The following AOC1 variants were observed in gnomAD, a reference collection of about 807,000 sequenced individuals.
AOC1 encodes amine oxidase copper containing 1.
In AOC1, 58 loss-of-function variants were observed where a neutral mutation model predicts 57.1. The ratio of observed to expected loss-of-function variants is 1.02; its 90% CI spans 0.82 to 1.26. The LOEUF is 1.26. Ranked by LOEUF, AOC1 falls within the 50% of genes most tolerant of loss-of-function variation. The pLI is 0.00. For synonymous variants in AOC1, 401 were observed against 423.4 expected, an observed-to-expected ratio of 0.95 and a Z score of 0.65; for missense variants, 917 against 1,005.3, an observed-to-expected ratio of 0.91 and a Z score of 1.19.
chr7:150,860,781 G>A (rs756009300), intron 4 of AOC1, 148 bp downstream of exon 4: 24 of 1,356,914 alleles, frequency 1.8e-5, no homozygotes, highest in East Asian at 4.6e-5. Flanking sequence ...CTGTGTGGAC[G>A]GCAAGTTCAG....
At position 150,856,482 on chromosome 7, in the gene AOC1, GGGCTGGGCCGT is replaced by G. The variant is rs2116828458; in HGVS notation, c.18_28del (p.Trp6CysfsTer79). The G allele has an allele frequency of 6.2e-7, 1 of 1,613,346 alleles. No individual in the cohort carries two copies. The highest frequency in any genetic ancestry group is 2.2e-5 in the East Asian group (1 of 44,854). ...CCGTGGAGCGAGAGATGCCGGCCCT[GGGCTGGGCCGT>G]GGCTGCCATCCTGATGCTGCAGACG... On this transcript the variant is annotated frameshift_variant, in exon 2 of 5. Coordinates refer to ENST00000360937, the MANE Select transcript of AOC1 (RefSeq NM_001091.4). LOFTEE classifies it high-confidence loss of function. The surrounding 1 kb of genome is among the most constrained non-coding windows in gnomAD (Gnocchi z 5.2).
chr7:150,858,119 A>G, intron 2 of AOC1, 79 bp downstream of exon 2: 1 of 1,469,210 alleles, frequency 6.8e-7, no homozygotes, highest in East Asian at 2.3e-5. Context: ...ACGGCACTAT[A>G]ACTCCCTGGT....
chr7:150,854,650 T>A (rs1799721252), intron 1 of AOC1, among the ~76,000 whole-genome samples: 1 of 152,192 alleles, frequency 6.6e-6, no homozygotes, highest in Non-Finnish European at 1.5e-5. Flanking sequence ...AAACAGGGCC[T>A]CTAGTTAACA....
In AOC1 at chr7:150,857,566, G is replaced by A. The variant is rs1799826111; in HGVS notation, c.1096G>A (p.Gly366Ser). Reference protein sequence around the residue: ...VALYGGHTPAGMQTKYLDVGW... With the variant: ...VALYGGHTPASMQTKYLDVGW... ...GCTGTATGGAGGACACACACCTGCA[G>A]GCATGCAGACCAAGTACCTCGATGT... The change falls in exon 2 of 5, where the codon GGC becomes AGC. Residue 366 changes from glycine (G) to serine (S), a missense_variant. Transcript: ENST00000360937. The surrounding 1 kb of genome is among the most constrained non-coding windows in gnomAD (Gnocchi z 6.6). 1.2e-6 allele frequency: 2 copies of A among 1,613,904 alleles called. No homozygotes were observed. The highest frequency in any genetic ancestry group is 2.7e-5 in the African/African-American group (2 of 74,940).
In AOC1 at chr7:150,857,023, A is replaced by G; in HGVS notation, c.553A>G (p.Thr185Ala). 1 of 1,614,044 alleles carries G rather than the reference A, an allele frequency of 6.2e-7. No homozygotes were observed. Among genetic ancestry groups the G allele is most frequent in the Non-Finnish European group, 8.5e-7 (1 of 1,179,970 alleles). The change falls in exon 2 of 5, where the codon ACC becomes GCC. Residue 185 changes from threonine (T) to alanine (A), a missense_variant. Coordinates refer to ENST00000360937, the MANE Select transcript of AOC1 (RefSeq NM_001091.4). This position sits in a 1 kb window ranked among gnomAD's most constrained non-coding sequence, Gnocchi z 6.6. ...CTGCCATGACAGATGCCTGGCCTTC[A>G]CCGATGTGGCCCCCCGGGGTGTGGC... is the stretch of plus-strand genomic sequence containing the variant. ...QDCHDRCLAF[T>A]DVAPRGVASG...
At position 150,856,436 on chromosome 7, in the gene AOC1, C is replaced by G; in HGVS notation, c.-16-19C>G. The G allele has an allele frequency of 6.3e-7, 1 of 1,576,878 alleles. No individual in the cohort carries two copies. The highest frequency in any genetic ancestry group is 8.6e-7 in the Non-Finnish European group (1 of 1,165,140). On this transcript the variant is annotated intron_variant, in intron 1 of 4. Coordinates refer to ENST00000360937, the MANE Select transcript of AOC1 (RefSeq NM_001091.4). The surrounding 1 kb of genome is among the most constrained non-coding windows in gnomAD (Gnocchi z 5.2). ...CTGCCCATAAGACAACTAAGTTCAT[C>G]TCCTCTATTGCATTCCAGAGCCGTG... is the stretch of plus-strand genomic sequence containing the variant.
chr7:150,858,720 T>C, intron 2 of AOC1, 43 bp from the exon 3 acceptor site: 2 of 1,552,316 alleles, frequency 1.3e-6, no homozygotes, highest in South Asian at 1.2e-5. Context: ...GTTTCAGTTC[T>C]GGCAGCTTGA....
intron 1 of AOC1, among the ~76,000 whole-genome samples, chr7:150,854,682 T>C (rs1386130775): frequency 6.6e-6 from 1 of 152,168 alleles, no homozygotes; most frequent in Non-Finnish European, 1.5e-5. Context: ...TTCCCAACGC[T>C]TGTGCTTCGG....
chr7:150,857,798 C>T lies in AOC1; in HGVS notation c.1328C>T (p.Ala443Val), dbSNP rs766971033. The change falls in exon 2 of 5, where the codon GCG becomes GTG. Residue 443 changes from alanine (A) to valine (V), a missense_variant. Coordinates refer to ENST00000360937, the MANE Select transcript of AOC1 (RefSeq NM_001091.4). This position sits in a 1 kb window ranked among gnomAD's most constrained non-coding sequence, Gnocchi z 6.6. ...TTTAAAGGTGGCTTCAACTTCTATGCGGGGCTGAAGGGCCAGGTGCTGGTG... is the reference window on the plus strand; with the variant it reads ...TTTAAAGGTGGCTTCAACTTCTATGTGGGGCTGAAGGGCCAGGTGCTGGTG... ...SNFKGGFNFYAGLKGQVLVLR... is the reference protein window; with the variant it reads ...SNFKGGFNFYVGLKGQVLVLR... 4 of 1,614,088 alleles carry T rather than the reference C, an allele frequency of 2.5e-6. No individual in the cohort carries two copies. Among genetic ancestry groups the T allele is most frequent in the Non-Finnish European group, 3.4e-6 (4 of 1,180,014 alleles).
intron 4 of AOC1, 34 bp from the exon 5 acceptor site, chr7:150,860,909 C>T: frequency 6.3e-7 from 1 of 1,596,210 alleles, no homozygotes; most frequent in Non-Finnish European, 8.5e-7. Flanking sequence ...CAGTACTCAG[C>T]CCTGCCCACT....
rs757498376 is a variant in AOC1 at position 150,857,099 on chromosome 7, A to T, written c.629A>T (p.Tyr210Phe). The T allele has an allele frequency of 2.5e-6, 4 of 1,614,010 alleles. No individual in the cohort carries two copies. In the South Asian group the frequency reaches 4.4e-5, roughly 18 times the overall value. ...WLIIQRYVEG[Y>F]FLHPTGLELL... ...ATCATACAGCGCTATGTAGAAGGCT[A>T]CTTTCTGCACCCCACTGGGCTGGAG... The change falls in exon 2 of 5, where the codon TAC (tyrosine) becomes TTC (phenylalanine). Residue 210 changes from tyrosine to phenylalanine, a missense_variant. Transcript: ENST00000360937. This position sits in a 1 kb window ranked among gnomAD's most constrained non-coding sequence, Gnocchi z 6.6.
Position 150,856,537 on chromosome 7 carries a change from C to G in AOC1, c.67C>G (p.Pro23Ala). The G allele has an allele frequency of 3.1e-6, 5 of 1,614,104 alleles. No individual in the cohort carries two copies. Among genetic ancestry groups the G allele is most frequent in the Non-Finnish European group, 4.2e-6 (5 of 1,179,978 alleles). The change falls in exon 2 of 5, where the codon CCG becomes GCG. Residue 23 changes from proline to alanine, a missense_variant. By Grantham distance (27) the Pro-to-Ala change is conservative. Coordinates refer to ENST00000360937, the MANE Select transcript of AOC1 (RefSeq NM_001091.4). This position sits in a 1 kb window ranked among gnomAD's most constrained non-coding sequence, Gnocchi z 5.2. ...GCAGACGGCCATGGCGGAGCCCTCC[C>G]CGGGGACTCTGCCCAGGAAGGCAGG... ...MLQTAMAEPS[P>A]GTLPRKAGVF...
chr7:150,861,171 C>T lies in AOC1; in HGVS notation c.2218C>T (p.Pro740Ser). Reference protein sequence around the residue: ...IPEDRDCSMPPPFSYNGTYRP... With the variant: ...IPEDRDCSMPSPFSYNGTYRP... ...TGAGGACAGGGACTGCTCGATGCCT[C>T]CCCCTTTTAGCTACAATGGGACCTA... is the stretch of plus-strand genomic sequence containing the variant. The change falls in exon 5 of 5, where the codon CCC becomes TCC. Residue 740 changes from proline (P) to serine (S), a missense_variant. By Grantham distance (74) the Pro-to-Ser change is moderately conservative. Coordinates refer to ENST00000360937, the MANE Select transcript of AOC1 (RefSeq NM_001091.4). The surrounding 1 kb of genome is among the most constrained non-coding windows in gnomAD (Gnocchi z 4.5). 3.1e-6 allele frequency: 5 copies of T among 1,608,170 alleles called. No homozygotes were observed. The highest frequency in any genetic ancestry group is 4.3e-6 in the Non-Finnish European group (5 of 1,175,360).
intron 1 of AOC1, among the ~76,000 whole-genome samples, chr7:150,853,504 C>T (rs1300034298): frequency 2.6e-5 from 4 of 151,496 alleles, no homozygotes; most frequent in Non-Finnish European, 4.4e-5. Flanking sequence ...TTTTAACAGA[C>T]TTTATAAAGT....
rs1799774666 is a variant in AOC1 at position 150,856,389 on chromosome 7, C to G, written c.-16-66C>G. On this transcript the variant is annotated intron_variant, in intron 1 of 4. Transcript: ENST00000360937. This position sits in a 1 kb window ranked among gnomAD's most constrained non-coding sequence, Gnocchi z 5.2. Reference sequence around the variant, plus strand: ...CAGTCCATGGGAAAATTCCATGGCCCTAACCTGAGGGAAGCCCATCTCTGC... The same window carrying G: ...CAGTCCATGGGAAAATTCCATGGCCGTAACCTGAGGGAAGCCCATCTCTGC... The G allele has an allele frequency of 6.6e-7, 1 of 1,511,534 alleles. No homozygotes were observed. Among genetic ancestry groups the G allele is most frequent in the East Asian group, 2.3e-5 (1 of 44,248 alleles). 93.6% of individuals were successfully genotyped at this position (1,511,534 alleles called of 1,614,324 possible). A position where few individuals can be genotyped will look rare whatever the true frequency, so the allele number is the denominator to read the frequency against.
chr7:150,855,333 A>T (rs748567408), intron 1 of AOC1, among the ~76,000 whole-genome samples: 17 of 152,202 alleles, frequency 1.1e-4, no homozygotes, highest in Non-Finnish European at 2.1e-4. Context: ...AGCTCCAGCC[A>T]GCATCTGTAG....
Position 150,857,755 on chromosome 7 carries a change from CG to C in AOC1, c.1287del (p.His430ThrfsTer16), listed in dbSNP as rs1799834993. 6.8e-6 allele frequency: 11 copies of C among 1,614,190 alleles called. No homozygotes were observed. The highest frequency in any genetic ancestry group is 9.3e-6 in the Non-Finnish European group (11 of 1,180,008). The stretch of plus-strand genomic sequence containing the variant: ...AATGCCCACAGGGGTGCCCCTTCGG[CG>C]GCACTTTAATTCCAACTTTAAAGGT... ...FEMPTGVPLR[R>X]HFNSNFKGGF... On this transcript the variant is annotated frameshift_variant, in exon 2 of 5. Transcript: ENST00000360937. LOFTEE classifies it high-confidence loss of function. This position sits in a 1 kb window ranked among gnomAD's most constrained non-coding sequence, Gnocchi z 6.6.
At chr7:150,853,661 CTATATATATA>C (rs201712777) in intron 1 of AOC1, among the ~76,000 whole-genome samples, 2,551 of 62,696 alleles carry the variant, frequency 0.041, 72 homozygotes, top group East Asian at 0.17. Context: ...GAGATCCTGA[CTATATATATA>C]TATATATATA....
At chr7:150,859,365 A>T (rs923332669) in intron 3 of AOC1, among the ~76,000 whole-genome samples, 2 of 152,268 alleles carry the variant, frequency 1.3e-5, no homozygotes, top group Admixed American at 6.5e-5. Context: ...TGTGTCAGAT[A>T]CTGTGTTCTT....
Sources: gnomAD v4.1 joint callset for allele counts (sites outside exome capture counted in the v4.1 genomes callset) on GRCh38, gnomAD v4.1.1 for gene constraint, Gnocchi (gnomAD v3.1) non-coding constraint, MANE v1.5 for transcripts, NCBI Gene and HGNC (gene_info 2026-07-23, HGNC 2026-07-21) for gene names.